The following PRDM11 variants were observed in gnomAD, a reference collection of about 807,000 sequenced individuals.
PRDM11 encodes the protein PR/SET domain 11.
A neutral mutation model predicts 97.8 loss-of-function variants in PRDM11; 20 were observed. The observed-to-expected ratio is 0.20, with a 90% CI of 0.14 to 0.30. The LOEUF (loss-of-function observed/expected upper bound fraction) is 0.30, where lower values mean the gene tolerates loss of function less well. Among genes scored for constraint, PRDM11 ranks in the 10% least tolerant of loss-of-function variants. PRDM11 has a pLI of 1.00. For missense variants in PRDM11, 1,139 were observed against 1,555.2 expected (o/e 0.73, Z 4.50); for synonymous variants, 599 against 637.7 (o/e 0.94, Z 0.91).
intron 1 of PRDM11, among the ~76,000 whole-genome samples, chr11:45,159,004 C>T (rs3886790): frequency 0.22 from 33,141 of 152,022 alleles, 3,770 homozygotes; most frequent in Non-Finnish European, 0.24. Flanking sequence ...CTTCCTAGTT[C>T]TGTGGCCTGC....
intron 1 of PRDM11, among the ~76,000 whole-genome samples, chr11:45,169,708 G>A (rs1326742252): frequency 7.5e-6 from 1 of 133,046 alleles, no homozygotes; most frequent in Non-Finnish European, 1.6e-5. Flanking sequence ...GCCCAGAGAA[G>A]TTAAGGAACT....
At chr11:45,109,618 G>C (rs879735918) in intron 1 of PRDM11, among the ~76,000 whole-genome samples, 4 of 152,166 alleles carry the variant, frequency 2.6e-5, no homozygotes, top group Non-Finnish European at 5.9e-5. Context: ...CCACAACCAA[G>C]ACTGAGGTGT....
rs559367639 is a variant in PRDM11 at position 45,226,651 on chromosome 11, G to A, written c.2026G>A (p.Val676Ile). 3 of 1,533,976 alleles carry A rather than the reference G, an allele frequency of 2.0e-6. No individual in the cohort carries two copies. Among genetic ancestry groups the A allele is most frequent in the South Asian group, 1.2e-5 (1 of 83,972 alleles). Residue 676 changes from valine to isoleucine, a missense_variant, in exon 8 of 8, where the codon GTC becomes ATC. Val to Ile is a conservative substitution (Grantham distance 29, BLOSUM62 3). This residue lies in a region of PRDM11 where 710 missense variants were observed against 1,044.9 expected (regional missense o/e 0.68). Transcript: ENST00000683152. ...SDDLLADTVAVYVQYTSSDGP... is the reference protein window; with the variant it reads ...SDDLLADTVAIYVQYTSSDGP... The stretch of plus-strand genomic sequence containing the variant: ...CGACCTGCTGGCCGACACGGTGGCT[G>A]TCTATGTTCAGTACACCAGCAGTGA...
intron 6 of PRDM11, among the ~76,000 whole-genome samples, chr11:45,223,806 G>A (rs1854185655): frequency 6.6e-6 from 1 of 152,178 alleles, no homozygotes; most frequent in African/African-American, 2.4e-5. Context: ...GTCATTGCTA[G>A]GGCTGAGGGG....
At position 45,226,560 on chromosome 11, in the gene PRDM11, G is replaced by A; in HGVS notation, c.1935G>A (p.Arg645=). 1 of 1,533,966 alleles carries A rather than the reference G, an allele frequency of 6.5e-7. No homozygotes were observed. ...TCCATCACATCGCCCGGGCCCTGCG[G>A]GAAGACCTGGTGGAGCGCATCCGCC... ...ILIHHIARAL[R]EDLVERIRQS... Residue 645 remains arginine, a synonymous_variant, in exon 8 of 8, where the codon CGG becomes CGA. Coordinates refer to ENST00000683152, the MANE Select transcript of PRDM11 (RefSeq NM_001384648.1).
chr11:45,225,845 T>C, intron 7 of PRDM11, 150 bp from the exon 8 acceptor site: 1 of 1,046,284 alleles, frequency 9.6e-7, no homozygotes, highest in Non-Finnish European at 1.3e-6. Context: ...CATAAACTAA[T>C]TCTGGGCTGG....
Position 45,224,217 on chromosome 11 carries a change from G to C in PRDM11, c.743G>C (p.Gly248Ala), listed in dbSNP as rs756358024. 2 of 1,575,182 alleles carry C rather than the reference G, an allele frequency of 1.3e-6. No homozygotes were observed. The highest frequency in any genetic ancestry group is 1.4e-5 in the African/African-American group (1 of 73,216). The change falls in exon 7 of 8, where the codon GGA becomes GCA. Residue 248 changes from glycine (G) to alanine (A), a missense_variant and splice_region_variant. Transcript: ENST00000683152. ...QETIHRNLAR[G>A]EKRLQREKSE... is the part of the protein sequence containing the mutation. ...CTTACACCCTGGTTTTCCTTCCTAG[G>C]AGAGAAGAGGTTGCAGAGGGAGAAG...
At chr11:45,177,011 C>T (rs1852342269) in intron 1 of PRDM11, among the ~76,000 whole-genome samples, 1 of 152,204 alleles carries the variant, frequency 6.6e-6, no homozygotes, top group Non-Finnish European at 1.5e-5. Flanking sequence ...TGGGCCAGCA[C>T]CCTAACCTCA....
intron 1 of PRDM11, among the ~76,000 whole-genome samples, chr11:45,150,372 C>G (rs530129998): frequency 6.6e-6 from 1 of 152,306 alleles, no homozygotes; most frequent in South Asian, 2.1e-4. Context: ...CCTTGCTCTT[C>G]CATCAGACTC....
At chr11:45,098,698 C>T (rs1851924078) in intron 1 of PRDM11, among the ~76,000 whole-genome samples, 1 of 152,064 alleles carries the variant, frequency 6.6e-6, no homozygotes, top group African/African-American at 2.4e-5. Context: ...TGGAGAATTC[C>T]TGGAAGGAGT....
chr11:45,234,259 T>C lies in PRDM11; in HGVS notation c.*6100T>C, dbSNP rs1854459258. ...AGAGAGGGCCTGACCAGGCACCAGATGATGGAGCAAGGGCAGCTGCATGCT... is the reference window on the plus strand; with the variant it reads ...AGAGAGGGCCTGACCAGGCACCAGACGATGGAGCAAGGGCAGCTGCATGCT... On this transcript the variant is annotated 3_prime_UTR_variant, in exon 8 of 8. Coordinates refer to ENST00000683152, the MANE Select transcript of PRDM11 (RefSeq NM_001384648.1). 1.3e-5 allele frequency: 2 copies of C among 152,448 alleles called. No homozygotes were observed. Among genetic ancestry groups the C allele is most frequent in the East Asian group, 3.9e-4 (2 of 5,180 alleles). The allele number at this position is 152,448 out of a possible 1,614,324, so 9.4% of individuals were successfully genotyped here. A position where few individuals can be genotyped will look rare whatever the true frequency, so the allele number is the denominator to read the frequency against.
chr11:45,112,709 G>A (rs1156647698), intron 1 of PRDM11, among the ~76,000 whole-genome samples: 4 of 151,896 alleles, frequency 2.6e-5, no homozygotes, highest in South Asian at 2.1e-4. Context: ...GCATTTTTTC[G>A]TATGTTTGTT....
At chr11:45,155,998 G>T (rs886606581) in intron 1 of PRDM11, among the ~76,000 whole-genome samples, 3 of 152,142 alleles carry the variant, frequency 2.0e-5, no homozygotes, top group Non-Finnish European at 2.9e-5. Context: ...CTCACCTAAG[G>T]TCACACAGCT....
chr11:45,095,678 A>G, upstream of PRDM11: 1 of 640,220 alleles, frequency 1.6e-6, no homozygotes, highest in East Asian at 2.7e-5. Flanking sequence ...CCCCTGGGAC[A>G]TGTCCTCTTG....
At chr11:45,172,645 T>C (rs574860195) in intron 1 of PRDM11, among the ~76,000 whole-genome samples, 3 of 152,166 alleles carry the variant, frequency 2.0e-5, no homozygotes, top group African/African-American at 7.2e-5. Flanking sequence ...GACTTTCTCC[T>C]TGTGATTATT....
At position 45,204,586 on chromosome 11, in the gene PRDM11, T is replaced by C. The variant is rs919754003; in HGVS notation, c.487-125T>C. On this transcript the variant is annotated intron_variant, in intron 4 of 7. Transcript: ENST00000683152. ...CTGCATTTCAGTTCTGTAGCAGTGG[T>C]GACATTTCAGGGGGAGGGGGAGGGA... 9.2e-5 allele frequency: 76 copies of C among 828,130 alleles called. 1 individual carries two copies. In the African/African-American group the frequency reaches 1.1e-3, roughly 12 times the overall value. The allele number at this position is 828,130 out of a possible 1,614,324, so 51.3% of individuals were successfully genotyped here.
At chr11:45,154,137 T>G (rs1055359103) in intron 1 of PRDM11, among the ~76,000 whole-genome samples, 1 of 152,152 alleles carries the variant, frequency 6.6e-6, no homozygotes, top group Admixed American at 6.6e-5. Context: ...GGAGGATCGC[T>G]TGAGTCCAGG....
chr11:45,157,423 T>A (rs951524408), intron 1 of PRDM11, among the ~76,000 whole-genome samples: 8 of 152,124 alleles, frequency 5.3e-5, no homozygotes, highest in Non-Finnish European at 1.2e-4. Context: ...GAGGCAGAGC[T>A]CAGGCGTTAA....
intron 1 of PRDM11, among the ~76,000 whole-genome samples, chr11:45,115,060 T>C (rs1444029102): frequency 6.6e-6 from 1 of 152,128 alleles, no homozygotes; most frequent in Non-Finnish European, 1.5e-5. Context: ...GAAAAAACTT[T>C]ATTTCCTTAA....
Sources: allele counts gnomAD v4.1 joint callset (sites outside exome capture counted in the v4.1 genomes callset), GRCh38; gene constraint gnomAD v4.1.1; regional missense constraint gnomAD v4.1.1; transcripts MANE v1.5; gene names NCBI Gene and HGNC (gene_info 2026-07-23, HGNC 2026-07-21).